Variants in GUCY2F observed in about 807,000 individuals in gnomAD.
GUCY2F encodes the protein guanylate cyclase 2F, retinal, also known as retinal guanylyl cyclase 2.
Under a neutral mutation model 73.1 loss-of-function variants are expected in GUCY2F, and 61 were observed. The observed-to-expected ratio is 0.83, with a 90% CI of 0.68 to 1.03. GUCY2F has a LOEUF of 1.03. Ranked by LOEUF, GUCY2F falls within the 50% of genes least tolerant of loss-of-function variation. The pLI is 0.00. For synonymous variants in GUCY2F, 331 were observed against 307.8 expected (o/e 1.08, Z -0.79); for missense variants, 912 against 854.3 (o/e 1.07, Z -0.84).
chrX:109,450,503 A>G (rs980666206), intron 5 of GUCY2F, among the ~76,000 whole-genome samples: 1 of 111,582 alleles, frequency 9.0e-6, no homozygotes, highest in African/African-American at 3.3e-5. Context: ...TCACTCCTCA[A>G]ATCTCTCTAG....
intron 10 of GUCY2F, 30 bp downstream of exon 10, chrX:109,404,298 T>C: frequency 9.3e-7 from 1 of 1,074,215 alleles, no homozygotes; most frequent in Middle Eastern, 2.5e-4. Flanking sequence ...TTACCTCGTG[T>C]GCATCAGAAG....
At chrX:109,469,228 C>T (rs189130310) in intron 2 of GUCY2F, among the ~76,000 whole-genome samples, 30 of 111,477 alleles carry the variant, frequency 2.7e-4, no homozygotes, top group African/African-American at 9.8e-4. Flanking sequence ...TGTCTAGGAC[C>T]CTTTCTTTCA....
intron 8 of GUCY2F, among the ~76,000 whole-genome samples, chrX:109,420,459 A>G (rs1405509966): frequency 9.1e-6 from 1 of 109,742 alleles, no homozygotes; most frequent in African/African-American, 3.3e-5. Flanking sequence ...GGAGGGGAAA[A>G]TAAAATGATA....
At chrX:109,397,843 T>C (rs1259512799) in intron 11 of GUCY2F, among the ~76,000 whole-genome samples, 2 of 110,943 alleles carry the variant, frequency 1.8e-5, no homozygotes, top group Non-Finnish European at 3.8e-5. Context: ...TGTATTTTTT[T>C]TTTTTTGTCA....
intron 7 of GUCY2F, among the ~76,000 whole-genome samples, chrX:109,436,320 C>T (rs1931744331): frequency 9.0e-6 from 1 of 110,856 alleles, no homozygotes; most frequent in African/African-American, 3.3e-5. Context: ...AATAGGAACA[C>T]TTTTACACTG....
intron 2 of GUCY2F, among the ~76,000 whole-genome samples, chrX:109,468,865 C>T (rs902545656): frequency 8.9e-6 from 1 of 111,755 alleles, no homozygotes; most frequent in African/African-American, 3.3e-5. Flanking sequence ...TTGAGTGCTT[C>T]GTGAACAGGG....
chrX:109,469,896 A>C (rs1470759722), intron 2 of GUCY2F, among the ~76,000 whole-genome samples: 1 of 111,334 alleles, frequency 9.0e-6, no homozygotes, highest in Non-Finnish European at 1.9e-5. Context: ...TTGGAACACT[A>C]TACTAGGTGA....
intron 8 of GUCY2F, among the ~76,000 whole-genome samples, chrX:109,414,832 C>T (rs1023632463): frequency 3.6e-5 from 4 of 111,597 alleles, no homozygotes; most frequent in Admixed American, 9.5e-5. Context: ...AAAGGCTTTG[C>T]GCTGGGAGCA....
chrX:109,429,109 G>A lies in GUCY2F; in HGVS notation c.1791+1198C>T, dbSNP rs139116639. Among the ~76,000 whole-genome samples the A allele has an allele frequency of 1.7e-4, 19 of 111,998 alleles. No individual in the cohort carries two copies. The East Asian group carries it at 2.5e-3, about 15-fold the overall frequency. ...CTTCATCTCCAAGCATTACAATCACGTGTAAGAAAAATACCAAATTGGCTG... is the reference window on the plus strand; with the variant it reads ...CTTCATCTCCAAGCATTACAATCACATGTAAGAAAAATACCAAATTGGCTG... On this transcript the variant is annotated intron_variant, in intron 8 of 19. Transcript: ENST00000218006.
At position 109,465,328 on chromosome X, in the gene GUCY2F, A is replaced by T; in HGVS notation, c.846T>A (p.Asp282Glu). The T allele has an allele frequency of 8.3e-7, 1 of 1,205,640 alleles. No individual in the cohort carries two copies. The change falls in exon 3 of 20, where the codon GAT becomes GAA. Residue 282 changes from aspartate to glutamate, a missense_variant. By Grantham distance (45) the Asp-to-Glu change is conservative. Transcript: ENST00000218006. ...TDGTYVFVPYDALLYSLPYKH... is the reference protein window; with the variant it reads ...TDGTYVFVPYEALLYSLPYKH... ...TATAAGGTAAACTGTAGAGCAGGGC[A>T]TCATAAGGAACAAAGACGTAGGTTC...
In GUCY2F at chrX:109,465,457, A is replaced by T; in HGVS notation, c.731-14T>A. ...ACATGATGATTACTGAAACCAACAA[A>T]GCAAGGAGGTTATGGAAGCAAACTG... On this transcript the variant is annotated splice_polypyrimidine_tract_variant and intron_variant, in intron 2 of 19. Coordinates refer to ENST00000218006, the MANE Select transcript of GUCY2F (RefSeq NM_001522.3). 8.6e-7 allele frequency: 1 copy of T among 1,160,907 alleles called. No individual in the cohort carries two copies. Among genetic ancestry groups the T allele is most frequent in the Non-Finnish European group, 1.2e-6 (1 of 857,368 alleles).
chrX:109,435,252 T>C (rs1186809965), intron 7 of GUCY2F, among the ~76,000 whole-genome samples: 2 of 110,185 alleles, frequency 1.8e-5, no homozygotes, highest in Non-Finnish European at 1.9e-5. Context: ...ATTCTTCCTA[T>C]CCATGAGCAT....
rs139692718 is a variant in GUCY2F, at chrX:109,439,943, G to A, written c.1701+1408C>T. Among the ~76,000 whole-genome samples the A allele has an allele frequency of 3.3e-3, 370 of 111,492 alleles. 8 individuals carry two copies. In the East Asian group the frequency reaches 0.049, roughly 15 times the overall value. On this transcript the variant is annotated intron_variant, in intron 7 of 19. Coordinates refer to ENST00000218006, the MANE Select transcript of GUCY2F (RefSeq NM_001522.3). ...AATTTCCCTTAGCACTCCACTCACA[G>A]CAATCAAGACTTTTTCCAGCATTCC...
intron 10 of GUCY2F, among the ~76,000 whole-genome samples, chrX:109,400,814 C>T (rs6568259): frequency 0.11 from 12,515 of 111,681 alleles, 1,696 homozygotes; most frequent in African/African-American, 0.39. Flanking sequence ...AAACGGAAAA[C>T]AATGAATGAT....
At chrX:109,386,283 T>A (rs5985718) in intron 15 of GUCY2F, among the ~76,000 whole-genome samples, 10,186 of 111,611 alleles carry the variant, frequency 0.091, 1,146 homozygotes, top group African/African-American at 0.31. Context: ...GGTGCTATAA[T>A]AACTCAGAAA....
At chrX:109,377,127 C>G (rs1447477093) in intron 17 of GUCY2F, among the ~76,000 whole-genome samples, 1 of 111,647 alleles carries the variant, frequency 9.0e-6, no homozygotes, top group Admixed American at 9.5e-5. Flanking sequence ...ATATTTATCC[C>G]TTAACAATAA....
At chrX:109,432,991 A>G (rs1466816745) in intron 7 of GUCY2F, among the ~76,000 whole-genome samples, 1 of 112,799 alleles carries the variant, frequency 8.9e-6, no homozygotes, top group East Asian at 2.8e-4. Flanking sequence ...TGTAGATGTG[A>G]GAAGGCTCTT....
At chrX:109,389,890 G>A (rs1930520646) in intron 14 of GUCY2F, among the ~76,000 whole-genome samples, 1 of 111,242 alleles carries the variant, frequency 9.0e-6, no homozygotes, top group Admixed American at 9.6e-5. Context: ...AATTACTATA[G>A]CCAATAACAA....
chrX:109,384,617 G>A (rs1437382278), intron 16 of GUCY2F, among the ~76,000 whole-genome samples: 2 of 111,645 alleles, frequency 1.8e-5, no homozygotes, highest in African/African-American at 6.5e-5. Flanking sequence ...CAGGGAAGTT[G>A]CAATAAATTA....
Sources: allele counts gnomAD v4.1 joint callset (sites outside exome capture counted in the v4.1 genomes callset), GRCh38; gene constraint gnomAD v4.1.1; transcripts MANE v1.5; gene names NCBI Gene and HGNC (gene_info 2026-07-23, HGNC 2026-07-21).